The following IFT52 variants were observed in gnomAD, a reference collection of about 807,000 sequenced individuals.
IFT52 encodes intraflagellar transport protein 52 homolog.
Under a neutral mutation model 54.4 loss-of-function variants are expected in IFT52, and 44 were observed. That is an observed-to-expected ratio of 0.81 (90% CI 0.63 to 1.04). The LOEUF (loss-of-function observed/expected upper bound fraction) is 1.04, where lower values mean the gene tolerates loss of function less well. Among genes scored for constraint, IFT52 ranks in the 50% least tolerant of loss-of-function variants. The pLI, the probability that IFT52 is intolerant of heterozygous loss-of-function variation, is 0.00. For missense variants in IFT52, 452 were observed against 523.6 expected, an observed-to-expected ratio of 0.86 and a Z score of 1.33; for synonymous variants, 181 against 185.3, an observed-to-expected ratio of 0.98 and a Z score of 0.19.
chr20:43,625,381 C>T (rs1308986108), intron 10 of IFT52, among the ~76,000 whole-genome samples: 8 of 152,006 alleles, frequency 5.3e-5, no homozygotes, highest in Admixed American at 4.6e-4. Context: ...CGATGGTGGG[C>T]ACCTGTAATC....
intron 11 of IFT52, among the ~76,000 whole-genome samples, chr20:43,636,436 C>CT (rs2145668981): frequency 6.6e-6 from 1 of 152,304 alleles, no homozygotes; most frequent in East Asian, 1.9e-4. Flanking sequence ...CAACATTCAA[C>CT]TTGCCTTTAA....
At position 43,620,934 on chromosome 20, in the gene IFT52, C is replaced by T. The variant is rs772818867; in HGVS notation, c.768+9C>T. Reference sequence around the variant, plus strand: ...ATGCTGAGGACCCAGAGGTAGACACCGAATTATTAGAAACTTTTAAATGAA... The same window carrying T: ...ATGCTGAGGACCCAGAGGTAGACACTGAATTATTAGAAACTTTTAAATGAA... On this transcript the variant is annotated intron_variant, in intron 9 of 13. Transcript: ENST00000373030. 3 of 1,601,056 alleles carry T rather than the reference C, an allele frequency of 1.9e-6. No homozygotes were observed. Among genetic ancestry groups the T allele is most frequent in the African/African-American group, 1.3e-5 (1 of 74,540 alleles).
chr20:43,616,008 C>T (rs1983831035), intron 7 of IFT52, among the ~76,000 whole-genome samples: 1 of 152,066 alleles, frequency 6.6e-6, no homozygotes, highest in African/African-American at 2.4e-5. Context: ...TAACCTGGTA[C>T]AAATCAGAGG....
intron 3 of IFT52, among the ~76,000 whole-genome samples, chr20:43,596,734 T>TTC (rs1448799815): frequency 5.6e-4 from 72 of 128,888 alleles, no homozygotes; most frequent in Middle Eastern, 3.8e-3. Context: ...TTAGCCACAC[T>TTC]TCTTTTTTTT....
At position 43,605,060 on chromosome 20, in the gene IFT52, G is replaced by A; in HGVS notation, c.472G>A (p.Gly158Arg). The change falls in exon 6 of 14, where the codon GGA (glycine) becomes AGA (arginine). Residue 158 changes from glycine (G) to arginine (R), a missense_variant. By Grantham distance (125) the Gly-to-Arg change is moderately radical. Transcript: ENST00000373030. Reference sequence around the variant, plus strand: ...TGGGATCATTGATGAGGAAAGCAGTGGAAACAATGCCCAGTGAGTGTGTTT... The same window carrying A: ...TGGGATCATTGATGAGGAAAGCAGTAGAAACAATGCCCAGTGAGTGTGTTT... ...VPGIIDEESS[G>R]NNAQALTFVY... is the part of the protein sequence containing the mutation. 6.2e-7 allele frequency: 1 copy of A among 1,613,532 alleles called. No homozygotes were observed. Among genetic ancestry groups the A allele is most frequent in the Non-Finnish European group, 8.5e-7 (1 of 1,179,800 alleles).
At chr20:43,619,546 C>A (rs1404042570) in intron 8 of IFT52, among the ~76,000 whole-genome samples, 1 of 152,020 alleles carries the variant, frequency 6.6e-6, no homozygotes, top group Non-Finnish European at 1.5e-5. Context: ...GTGGTGTCAC[C>A]AGGCAAGGAG....
At chr20:43,627,924 T>TTC (rs1984860667) in intron 10 of IFT52, among the ~76,000 whole-genome samples, 41 of 137,120 alleles carry the variant, frequency 3.0e-4, no homozygotes, top group African/African-American at 1.1e-3. Flanking sequence ...GAGAGAGAGT[T>TTC]TTTTTTTTTT....
Position 43,624,043 on chromosome 20 carries a change from C to G in IFT52, c.921C>G (p.Ile307Met). ...QLDTTSFHSV[I>M]EAHEQLNVKH... ...ATACCACCTCCTTCCACAGCGTCAT[C>G]GAGTCAGTACCTGTGGGCCTCTGAG... Residue 307 changes from isoleucine to methionine, a missense_variant and splice_region_variant, in exon 10 of 14, where the codon ATC becomes ATG. Ile to Met is a conservative substitution (Grantham distance 10). Coordinates refer to ENST00000373030, the MANE Select transcript of IFT52 (RefSeq NM_016004.5). 1 of 1,613,938 alleles carries G rather than the reference C, an allele frequency of 6.2e-7. No individual in the cohort carries two copies. Among genetic ancestry groups the G allele is most frequent in the Non-Finnish European group, 8.5e-7 (1 of 1,179,934 alleles).
chr20:43,641,424 G>T (rs1269305563), intron 12 of IFT52, among the ~76,000 whole-genome samples: 1 of 151,632 alleles, frequency 6.6e-6, no homozygotes, highest in Non-Finnish European at 1.5e-5. Context: ...TTTTAGTAGA[G>T]ATAGGGTTTC....
At chr20:43,606,858 C>A (rs1183825896) in intron 6 of IFT52, among the ~76,000 whole-genome samples, 1 of 152,186 alleles carries the variant, frequency 6.6e-6, no homozygotes. Context: ...ATCCATTTAA[C>A]CCTGAGTGGA....
intron 12 of IFT52, among the ~76,000 whole-genome samples, chr20:43,640,487 T>A (rs1216892848): frequency 2.0e-5 from 3 of 151,902 alleles, no homozygotes; most frequent in African/African-American, 7.3e-5. Flanking sequence ...ATAAAAAAAA[T>A]GCAGGGCATA....
In IFT52 at chr20:43,621,394, G is replaced by C. The variant is rs371305161; in HGVS notation, c.768+469G>C. Among the ~76,000 whole-genome samples the C allele has an allele frequency of 6.6e-5, 10 of 152,160 alleles. No homozygotes were observed. In the East Asian group the frequency reaches 1.2e-3, roughly 18 times the overall value. The stretch of plus-strand genomic sequence containing the variant: ...AACCAGCACAGTGAAATCACCACCG[G>C]CTCTTGGACCTTATACAGGTTCTTT... On this transcript the variant is annotated intron_variant, in intron 9 of 13. Coordinates refer to ENST00000373030, the MANE Select transcript of IFT52 (RefSeq NM_016004.5).
chr20:43,632,365 A>G lies in IFT52; in HGVS notation c.924-3561A>G, dbSNP rs560812058. 8.6e-5 allele frequency among the ~76,000 whole-genome samples: 13 copies of G among 151,516 alleles called. No homozygotes were observed. The South Asian group carries it at 2.7e-3, about 32-fold the overall frequency. On this transcript the variant is annotated intron_variant, in intron 10 of 13. Coordinates refer to ENST00000373030, the MANE Select transcript of IFT52 (RefSeq NM_016004.5). ...AACCTCCGCCTCCCGGGTTCAAGCA[A>G]TTCTCCTGCCTCATCCTCCTGAGTA...
chr20:43,620,797 G>A, intron 8 of IFT52, 60 bp from the exon 9 acceptor site: 1 of 1,204,178 alleles, frequency 8.3e-7, no homozygotes, highest in Non-Finnish European at 1.2e-6. Context: ...CTCTAGTCCT[G>A]ACCTTCAGCT....
intron 6 of IFT52, among the ~76,000 whole-genome samples, chr20:43,606,810 G>C (rs1261960701): frequency 2.0e-5 from 3 of 152,116 alleles, no homozygotes; most frequent in Non-Finnish European, 4.4e-5. Flanking sequence ...GCTGCCTTCA[G>C]GCATCTGTTT....
At chr20:43,627,894 CAT>C (rs1233896954) in intron 10 of IFT52, among the ~76,000 whole-genome samples, 1,353 of 113,014 alleles carry the variant, frequency 0.012, 14 homozygotes, top group African/African-American at 0.037. Context: ...TTTATTATGT[CAT>C]ATATATATAG....
intron 13 of IFT52, among the ~76,000 whole-genome samples, chr20:43,643,133 C>T (rs1986037500): frequency 6.7e-6 from 1 of 150,116 alleles, no homozygotes; most frequent in East Asian, 2.0e-4. Context: ...TGCCGTTGCA[C>T]TCCAGCCTGG....
At chr20:43,619,466 G>A (rs955872038) in intron 8 of IFT52, among the ~76,000 whole-genome samples, 2 of 152,020 alleles carry the variant, frequency 1.3e-5, no homozygotes, top group Admixed American at 1.3e-4. Flanking sequence ...AGAATGTTTT[G>A]GAAAGATTCT....
At chr20:43,625,303 G>A (rs898477131) in intron 10 of IFT52, among the ~76,000 whole-genome samples, 4 of 152,050 alleles carry the variant, frequency 2.6e-5, no homozygotes, top group African/African-American at 4.8e-5. Flanking sequence ...GAGGTCAGGC[G>A]TTCGAGACCA....
Sources: allele counts gnomAD v4.1 joint callset (sites outside exome capture counted in the v4.1 genomes callset), GRCh38; gene constraint gnomAD v4.1.1; transcripts MANE v1.5; gene names NCBI Gene and HGNC (gene_info 2026-07-23, HGNC 2026-07-21).